Variants in CSNK1G1 observed in about 807,000 individuals in gnomAD.
CSNK1G1 encodes the protein casein kinase 1 gamma 1.
In CSNK1G1, 22 loss-of-function variants were observed where a neutral mutation model predicts 59.6. The observed-to-expected ratio is 0.37, with a 90% confidence interval of 0.26 to 0.53. CSNK1G1 has a LOEUF of 0.53. Among genes scored for constraint, CSNK1G1 ranks in the 20% least tolerant of loss-of-function variants. CSNK1G1 has a pLI of 0.89. For synonymous variants in CSNK1G1, 179 were observed against 177.1 expected (o/e 1.01, Z -0.08); for missense variants, 384 against 519.5 (o/e 0.74, Z 2.54).
intron 10 of CSNK1G1, among the ~76,000 whole-genome samples, chr15:64,199,994 C>T (rs2049550313): frequency 6.6e-6 from 1 of 152,186 alleles, no homozygotes; most frequent in South Asian, 2.1e-4. Context: ...CCTGTAATTG[C>T]AGCACTTTGT....
At chr15:64,294,153 A>G (rs1192952711) in intron 2 of CSNK1G1, among the ~76,000 whole-genome samples, 1 of 152,016 alleles carries the variant, frequency 6.6e-6, no homozygotes, top group Non-Finnish European at 1.5e-5. Flanking sequence ...GCTCACTGCA[A>G]CCTCCATCTC....
intron 2 of CSNK1G1, among the ~76,000 whole-genome samples, chr15:64,288,196 T>A (rs1432144666): frequency 6.6e-6 from 1 of 152,038 alleles, no homozygotes; most frequent in Admixed American, 6.6e-5. Context: ...GGAGTCATAC[T>A]AAAAAGGAAA....
chr15:64,210,625 A>G lies in CSNK1G1; in HGVS notation c.680-3031T>C, dbSNP rs1444966617. Among the ~76,000 whole-genome samples, 1 of 152,196 alleles carries G rather than the reference A, an allele frequency of 6.6e-6. No individual in the cohort carries two copies. Among genetic ancestry groups the G allele is most frequent in the Non-Finnish European group, 1.5e-5 (1 of 68,034 alleles). On this transcript the variant is annotated intron_variant, in intron 6 of 11. Transcript: ENST00000303052. This position sits in a 1 kb window ranked among gnomAD's most constrained non-coding sequence, Gnocchi z 4.2. Reference sequence around the variant, plus strand: ...TAACATCCCTGATTTTAGGTTAAATATATTTGTTGAAGGCAGGGAGCAAGG... The same window carrying G: ...TAACATCCCTGATTTTAGGTTAAATGTATTTGTTGAAGGCAGGGAGCAAGG...
At chr15:64,348,568 A>C (rs536223135) in intron 1 of CSNK1G1, among the ~76,000 whole-genome samples, 1 of 152,334 alleles carries the variant, frequency 6.6e-6, no homozygotes, top group East Asian at 1.9e-4. Flanking sequence ...AGCAAAGTGC[A>C]AACAAAATTA....
intron 1 of CSNK1G1, among the ~76,000 whole-genome samples, chr15:64,324,299 C>T (rs1896725657): frequency 6.6e-6 from 1 of 152,112 alleles, no homozygotes; most frequent in South Asian, 2.1e-4. Flanking sequence ...AGGGTATTGC[C>T]AAAGAAGATT....
At chr15:64,173,577 A>C (rs1204683111) in intron 11 of CSNK1G1, among the ~76,000 whole-genome samples, 1 of 151,950 alleles carries the variant, frequency 6.6e-6, no homozygotes, top group Non-Finnish European at 1.5e-5. Flanking sequence ...TAAGAATTCA[A>C]GAACAAATGG....
chr15:64,256,852 C>A (rs1892403845), intron 3 of CSNK1G1, among the ~76,000 whole-genome samples: 1 of 152,038 alleles, frequency 6.6e-6, no homozygotes, highest in Non-Finnish European at 1.5e-5. Flanking sequence ...GTGCCAGATG[C>A]TGATTACATT....
At chr15:64,330,428 A>G (rs1238128942) in intron 1 of CSNK1G1, among the ~76,000 whole-genome samples, 1 of 151,260 alleles carries the variant, frequency 6.6e-6, no homozygotes, top group East Asian at 1.9e-4. Flanking sequence ...CAAAAACCAC[A>G]TGATTATCTC....
chr15:64,180,301 G>T (rs1237299910), intron 11 of CSNK1G1, 47 bp downstream of exon 11: 2 of 1,415,994 alleles, frequency 1.4e-6, no homozygotes, highest in Non-Finnish European at 2.0e-6. Flanking sequence ...AGACAGAAAA[G>T]ATTTTTCAAC....
At chr15:64,263,950 G>A (rs75868986) in intron 2 of CSNK1G1, among the ~76,000 whole-genome samples, 6,030 of 151,104 alleles carry the variant, frequency 0.04, 151 homozygotes, top group South Asian at 0.079. Context: ...ACTTCCACTC[G>A]GCAGTAAATT....
intron 1 of CSNK1G1, among the ~76,000 whole-genome samples, chr15:64,351,339 C>T (rs1372398041): frequency 6.6e-6 from 1 of 152,124 alleles, no homozygotes; most frequent in East Asian, 1.9e-4. Context: ...ATATATAAAC[C>T]TTCCCAATCT....
intron 4 of CSNK1G1, among the ~76,000 whole-genome samples, chr15:64,226,043 T>C (rs2082456864): frequency 6.6e-6 from 1 of 152,240 alleles, no homozygotes; most frequent in Non-Finnish European, 1.5e-5. Flanking sequence ...AACAAATCTA[T>C]GCCTTCGTCT....
At chr15:64,213,845 C>T (rs1364971411) in intron 6 of CSNK1G1, 45 bp downstream of exon 6, 1 of 1,274,780 alleles carries the variant, frequency 7.8e-7, no homozygotes, top group Non-Finnish European at 1.1e-6. Flanking sequence ...AAATAATAAA[C>T]TGTTCTAATG....
At chr15:64,228,923 C>T (rs2082500471) in intron 4 of CSNK1G1, among the ~76,000 whole-genome samples, 1 of 140,994 alleles carries the variant, frequency 7.1e-6, no homozygotes, top group Non-Finnish European at 1.5e-5. Context: ...GAGGCTGAGA[C>T]AAGAGGATCA....
chr15:64,318,979 T>C (rs2140435576), intron 1 of CSNK1G1, among the ~76,000 whole-genome samples: 1 of 151,948 alleles, frequency 6.6e-6, no homozygotes, highest in South Asian at 2.1e-4. Flanking sequence ...GTCTCCTGAG[T>C]AGCTGGAACT....
intron 4 of CSNK1G1, among the ~76,000 whole-genome samples, chr15:64,222,455 A>C (rs2140277876): frequency 6.6e-6 from 1 of 151,176 alleles, no homozygotes. Context: ...AAAAAAAAAA[A>C]AAAAGAGGAG....
At chr15:64,229,619 T>C (rs2082515417) in intron 4 of CSNK1G1, among the ~76,000 whole-genome samples, 1 of 152,008 alleles carries the variant, frequency 6.6e-6, no homozygotes, top group Non-Finnish European at 1.5e-5. Context: ...AGAAAGCCTA[T>C]TTGAGAATGA....
At chr15:64,224,574 T>C (rs1242842907) in intron 4 of CSNK1G1, among the ~76,000 whole-genome samples, 1 of 152,208 alleles carries the variant, frequency 6.6e-6, no homozygotes, top group African/African-American at 2.4e-5. Context: ...AATGTCTCTT[T>C]GCAACATGAA....
intron 4 of CSNK1G1, among the ~76,000 whole-genome samples, chr15:64,236,068 G>C (rs914444567): frequency 6.6e-6 from 1 of 150,524 alleles, no homozygotes; most frequent in Non-Finnish European, 1.5e-5. Context: ...GCTTGAACCT[G>C]GGAGGCAGAG....
Sources: gnomAD v4.1 joint callset for allele counts (sites outside exome capture counted in the v4.1 genomes callset) on GRCh38, gnomAD v4.1.1 for gene constraint, Gnocchi (gnomAD v3.1) non-coding constraint, MANE v1.5 for transcripts, NCBI Gene and HGNC (gene_info 2026-07-23, HGNC 2026-07-21) for gene names.